The following ZNF613 variants were observed in gnomAD, a reference collection of about 807,000 sequenced individuals.
ZNF613 encodes the protein zinc finger protein 613.
Under a neutral mutation model 14.3 loss-of-function variants are expected in ZNF613, and 8 were observed. That is an observed-to-expected ratio of 0.56 (90% CI 0.33 to 1.01). The LOEUF is 1.01. ZNF613 is among the 50% of genes least tolerant of loss of function. ZNF613 has a pLI of 0.03. For synonymous variants in ZNF613, 228 were observed against 254.5 expected (o/e 0.90, Z 0.99); for missense variants, 656 against 741.9 (o/e 0.88, Z 1.35).
Position 51,946,134 on chromosome 19 carries a change from G to A in ZNF613, c.*397G>A, listed in dbSNP as rs906387148. 26 of 167,406 alleles carry A rather than the reference G, an allele frequency of 1.6e-4. No homozygotes were observed. The highest frequency in any genetic ancestry group is 2.8e-3 in the Middle Eastern group (1 of 356). 10.4% of individuals were successfully genotyped at this position (167,406 alleles called of 1,614,324 possible). On this transcript the variant is annotated 3_prime_UTR_variant, in exon 6 of 6. Coordinates refer to ENST00000293471, the MANE Select transcript of ZNF613 (RefSeq NM_001031721.4). ...GTACATTCTGCCTTATCCTCAGAGG[G>A]AATCATATAGAAATAAAACTATGAA...
intron 2 of ZNF613, among the ~76,000 whole-genome samples, chr19:51,935,421 G>T (rs2085298513): frequency 6.6e-6 from 1 of 152,244 alleles, no homozygotes; most frequent in South Asian, 2.1e-4. Context: ...TGTTCTTGGA[G>T]ACAGGCTGTG....
chr19:51,945,712 C>T lies in ZNF613; in HGVS notation c.1829C>T (p.Ala610Val). 2 of 1,614,066 alleles carry T rather than the reference C, an allele frequency of 1.2e-6. No homozygotes were observed. The highest frequency in any genetic ancestry group is 1.7e-6 in the Non-Finnish European group (2 of 1,180,008). The part of the protein sequence containing the change: ...SQPVARSSVS[A>V]DSRICTE ...CCTGTTGCCAGAAGTTCAGTCTCAG[C>T]AGATAGTAGAATTTGCACAGAATAA... Residue 610 changes from alanine to valine, a missense_variant, in exon 6 of 6, where the codon GCA (alanine) becomes GTA (valine). By Grantham distance (64) the Ala-to-Val change is moderately conservative. Coordinates refer to ENST00000293471, the MANE Select transcript of ZNF613 (RefSeq NM_001031721.4).
chr19:51,942,289 TAAC>T (rs1194067688), intron 5 of ZNF613, among the ~76,000 whole-genome samples: 2 of 152,274 alleles, frequency 1.3e-5, no homozygotes, highest in East Asian at 3.9e-4. Context: ...TGAACATCAA[TAAC>T]AACAACAAAA....
At chr19:51,933,616 A>T (rs982080566) in intron 2 of ZNF613, among the ~76,000 whole-genome samples, 1 of 151,732 alleles carries the variant, frequency 6.6e-6, no homozygotes, top group Non-Finnish European at 1.5e-5. Context: ...GCTAAACAAA[A>T]TTATTTGTGA....
chr19:51,940,293 C>G lies in ZNF613; in HGVS notation c.100C>G (p.Arg34Gly), dbSNP rs200180253. The change falls in exon 4 of 6, where the codon CGA becomes GGA. Residue 34 changes from arginine to glycine, a missense_variant. By Grantham distance (125) the Arg-to-Gly change is moderately radical. Transcript: ENST00000293471. Reference protein sequence around the residue: ...LLGPAQKDLYRDVMLENYSNL... With the variant: ...LLGPAQKDLYGDVMLENYSNL... ...CGGCCCTGCTCAGAAGGACCTGTACCGAGACGTGATGTTGGAGAACTATAG... is the reference window on the plus strand; with the variant it reads ...CGGCCCTGCTCAGAAGGACCTGTACGGAGACGTGATGTTGGAGAACTATAG... 5 of 1,613,638 alleles carry G rather than the reference C, an allele frequency of 3.1e-6. No individual in the cohort carries two copies. The Admixed American group carries it at 5.0e-5, about 16-fold the overall frequency.
At position 51,944,600 on chromosome 19, in the gene ZNF613, A is replaced by T. The variant is rs757151649; in HGVS notation, c.717A>T (p.Lys239Asn). Reference sequence around the variant, plus strand: ...CTCATGGATGCAGTATATGTGGGAAAGCCTTCTCCAGAAAGTCCGGGCTCA... The same window carrying T: ...CTCATGGATGCAGTATATGTGGGAATGCCTTCTCCAGAAAGTCCGGGCTCA... ...EKPHGCSICG[K>N]AFSRKSGLTE... The change falls in exon 6 of 6, where the codon AAA becomes AAT. Residue 239 changes from lysine to asparagine, a missense_variant. Lys to Asn is a moderately conservative substitution (Grantham distance 94, BLOSUM62 0). Coordinates refer to ENST00000293471, the MANE Select transcript of ZNF613 (RefSeq NM_001031721.4). 4 of 1,614,026 alleles carry T rather than the reference A, an allele frequency of 2.5e-6. No homozygotes were observed. The highest frequency in any genetic ancestry group is 4.5e-5 in the East Asian group (2 of 44,900).
chr19:51,932,916 G>A (rs1568463880), intron 2 of ZNF613, among the ~76,000 whole-genome samples: 1 of 152,124 alleles, frequency 6.6e-6, no homozygotes, highest in Non-Finnish European at 1.5e-5. Flanking sequence ...TGAGCTCAAA[G>A]CAATCCTCCT....
At chr19:51,943,984 A>G (rs1219778318) in intron 5 of ZNF613, 135 bp from the exon 6 acceptor site, 1 of 543,600 alleles carries the variant, frequency 1.8e-6, no homozygotes, top group African/African-American at 2.0e-5. Flanking sequence ...TGTCCAAGTG[A>G]CAATAGGCAT....
In ZNF613 at chr19:51,944,654, G is replaced by A; in HGVS notation, c.771G>A (p.Glu257=). 6.2e-7 allele frequency: 1 copy of A among 1,614,170 alleles called. No homozygotes were observed. The highest frequency in any genetic ancestry group is 8.5e-7 in the Non-Finnish European group (1 of 1,180,032). ...LTEHQRNHTG[E]KPYECTECDK... ...AACACCAGAGAAACCACACAGGAGA[G>A]AAACCCTATGAATGCACTGAATGTG... The change falls in exon 6 of 6, where the codon GAG becomes GAA. Residue 257 remains glutamate (E), a synonymous_variant. Transcript: ENST00000293471.
intron 5 of ZNF613, among the ~76,000 whole-genome samples, chr19:51,941,262 T>C (rs1224068477): frequency 6.6e-6 from 1 of 152,182 alleles, no homozygotes; most frequent in Non-Finnish European, 1.5e-5. Context: ...TAGGTTTGAT[T>C]TGTTTTTCTC....
intron 3 of ZNF613, among the ~76,000 whole-genome samples, chr19:51,939,517 T>C (rs759243054): frequency 4.6e-5 from 7 of 151,744 alleles, no homozygotes; most frequent in Non-Finnish European, 1.0e-4. Context: ...TTAGTAAAGA[T>C]AGGGATTTCA....
intron 1 of ZNF613, among the ~76,000 whole-genome samples, chr19:51,929,357 T>A (rs895793453): frequency 2.0e-5 from 3 of 152,216 alleles, no homozygotes; most frequent in African/African-American, 7.2e-5. Context: ...AAGAATGGGT[T>A]ACAATTCTAT....
chr19:51,939,576 C>T (rs943573178), intron 3 of ZNF613, among the ~76,000 whole-genome samples: 4 of 151,782 alleles, frequency 2.6e-5, no homozygotes, highest in East Asian at 1.9e-4. Context: ...GTGATCCGCC[C>T]GCCTAGGCCT....
At chr19:51,940,975 G>T (rs1054211690) in intron 5 of ZNF613, among the ~76,000 whole-genome samples, 4 of 152,008 alleles carry the variant, frequency 2.6e-5, no homozygotes, top group Non-Finnish European at 5.9e-5. Context: ...CTGTCACCCA[G>T]GCTAGAGCCC....
chr19:51,932,654 T>C (rs368247996), intron 2 of ZNF613, among the ~76,000 whole-genome samples: 6 of 151,898 alleles, frequency 4.0e-5, no homozygotes, highest in East Asian at 3.9e-4. Flanking sequence ...TGAAATCATA[T>C]AACGTGACAT....
chr19:51,940,074 A>T, intron 3 of ZNF613, 135 bp from the exon 4 acceptor site: 1 of 1,161,718 alleles, frequency 8.6e-7, no homozygotes, highest in Non-Finnish European at 1.2e-6. Flanking sequence ...ATGACAATGT[A>T]TTTTTTTAAA....
At chr19:51,929,379 C>T (rs566433531) in intron 1 of ZNF613, among the ~76,000 whole-genome samples, 64 of 152,270 alleles carry the variant, frequency 4.2e-4, no homozygotes, top group African/African-American at 1.5e-3. Context: ...TTTACCCAAA[C>T]ATGTTTCTCC....
chr19:51,929,429 A>G (rs1373775187), intron 1 of ZNF613, among the ~76,000 whole-genome samples: 3 of 152,108 alleles, frequency 2.0e-5, no homozygotes, highest in Non-Finnish European at 4.4e-5. Flanking sequence ...TTTTTTTGCA[A>G]TTGTAAATGG....
intron 3 of ZNF613, among the ~76,000 whole-genome samples, chr19:51,937,828 G>A (rs146232667): frequency 0.019 from 2,854 of 148,340 alleles, 44 homozygotes; most frequent in Admixed American, 0.023. Flanking sequence ...CTCCCAGGCT[G>A]AAGTGATTCT....
Sources: allele counts gnomAD v4.1 joint callset (sites outside exome capture counted in the v4.1 genomes callset), GRCh38; gene constraint gnomAD v4.1.1; transcripts MANE v1.5; gene names NCBI Gene and HGNC (gene_info 2026-07-23, HGNC 2026-07-21).